The following CASD1 variants were observed in gnomAD, a reference collection of about 807,000 sequenced individuals.
CASD1 encodes the protein CAS1 domain sialic acid O acetyltransferase 1.
CASD1 carries 41 observed loss-of-function variants against 100.0 expected under a neutral mutation model. That is an observed-to-expected ratio of 0.41 (90% confidence interval 0.32 to 0.53). The LOEUF (loss-of-function observed/expected upper bound fraction) is 0.53, where lower values mean the gene tolerates loss of function less well. CASD1 is among the 20% of genes least tolerant of loss of function. The pLI is 0.25. For missense variants in CASD1, 774 were observed against 948.7 expected (o/e 0.82, Z 2.42); for synonymous variants, 321 against 315.6 (o/e 1.02, Z -0.18).
chr7:94,513,361 G>A (rs1584369803), intron 1 of CASD1, among the ~76,000 whole-genome samples: 2 of 150,742 alleles, frequency 1.3e-5, no homozygotes, highest in South Asian at 4.2e-4. Flanking sequence ...CAGTCAGGAG[G>A]TAATTTTCTA....
the CASD1 span, chr7:94,627,049 G>A: frequency 1.6e-3 from 245 of 151,862 alleles, no homozygotes; most frequent in African/African-American, 5.7e-3. Flanking sequence ...TTTGACAATA[G>A]CTCAAACTAA....
At chr7:94,622,717 T>C in the CASD1 span, 3 of 152,148 alleles carry the variant, frequency 2.0e-5, no homozygotes, top group Admixed American at 6.5e-5. Context: ...ATTCTGAGAA[T>C]ACTTCCTTAT....
At chr7:94,588,670 T>C in the CASD1 span, 1 of 1,579,938 alleles carries the variant, frequency 6.3e-7, no homozygotes, top group Non-Finnish European at 8.7e-7. Flanking sequence ...AACATTAATT[T>C]ATTATTCTTA....
At position 94,518,256 on chromosome 7, in the gene CASD1, G is replaced by T. The variant is rs1348103453; in HGVS notation, c.284G>T (p.Arg95Ile). The T allele has an allele frequency of 6.3e-7, 1 of 1,577,248 alleles. No homozygotes were observed. The highest frequency in any genetic ancestry group is 1.4e-5 in the African/African-American group (1 of 72,682). Residue 95 changes from arginine to isoleucine, a missense_variant, in exon 3 of 18, where the codon AGA becomes ATA. This residue lies in a region of CASD1 where 61 missense variants were observed against 115.9 expected (regional missense o/e 0.53). Coordinates refer to ENST00000297273, the MANE Select transcript of CASD1 (RefSeq NM_022900.5). ...DKHIAFIGDS[R>I]IRQLFYSFVK... ...CATATTGCATTTATTGGAGATTCCAGAATTCGTCAATTGTTTTATTCTTTT... is the reference window on the plus strand; with the variant it reads ...CATATTGCATTTATTGGAGATTCCATAATTCGTCAATTGTTTTATTCTTTT...
chr7:94,603,526 C>T, the CASD1 span: 3 of 1,405,024 alleles, frequency 2.1e-6, no homozygotes, highest in East Asian at 7.2e-5. Flanking sequence ...ACCTTAAAAG[C>T]AGGATTTAGC....
At chr7:94,523,312 A>G (rs1794386078) in intron 3 of CASD1, among the ~76,000 whole-genome samples, 1 of 152,224 alleles carries the variant, frequency 6.6e-6, no homozygotes, top group South Asian at 2.1e-4. Context: ...AATTTACTAG[A>G]AGTAATAAAG....
At chr7:94,618,733 G>C in the CASD1 span, 2 of 1,576,856 alleles carry the variant, frequency 1.3e-6, no homozygotes, top group Non-Finnish European at 1.7e-6. Context: ...CTATATTTAA[G>C]GCAATGAGAT....
At chr7:94,629,993 T>C in the CASD1 span, 1 of 845,254 alleles carries the variant, frequency 1.2e-6, no homozygotes, top group Non-Finnish European at 1.8e-6. Context: ...TTAATAACAA[T>C]TTGTTTTAAA....
chr7:94,529,891 G>T (rs974048053), intron 5 of CASD1, among the ~76,000 whole-genome samples: 2 of 152,122 alleles, frequency 1.3e-5, no homozygotes. Flanking sequence ...TTAGGAAGAA[G>T]ATACACTTAT....
chr7:94,553,665 T>C (rs1433138087), intron 16 of CASD1, among the ~76,000 whole-genome samples: 1 of 151,984 alleles, frequency 6.6e-6, no homozygotes, highest in African/African-American at 2.4e-5. Flanking sequence ...ATAAGGAGGG[T>C]ACATTCTAAG....
the CASD1 span, chr7:94,590,876 A>G: frequency 6.6e-6 from 1 of 152,198 alleles, no homozygotes. Context: ...ACAACAATCT[A>G]AAGTGGAAAA....
At chr7:94,602,382 A>G in the CASD1 span, among the ~76,000 whole-genome samples, 19 of 152,180 alleles carry the variant, frequency 1.2e-4, no homozygotes, top group Non-Finnish European at 2.4e-4. Context: ...AAGTGTTGCA[A>G]TGTGAGTAAT....
chr7:94,535,226 G>A lies in CASD1; in HGVS notation c.629-83G>A, dbSNP rs1179307722. 18 of 970,478 alleles carry A rather than the reference G, an allele frequency of 1.9e-5. No homozygotes were observed. In the East Asian group the frequency reaches 4.4e-4, roughly 24 times the overall value. 60.1% of individuals were successfully genotyped at this position (970,478 alleles called of 1,614,324 possible). On this transcript the variant is annotated intron_variant, in intron 7 of 17. Coordinates refer to ENST00000297273, the MANE Select transcript of CASD1 (RefSeq NM_022900.5). ...TACTTTTAAAAATAACATATGAAAT[G>A]TGGAACAGCTAACTTGCATGATCAC...
At chr7:94,590,549 A>G in the CASD1 span, 10 of 152,330 alleles carry the variant, frequency 6.6e-5, no homozygotes, top group African/African-American at 2.4e-4. Flanking sequence ...AAAATGTACA[A>G]TTTAGGTTCT....
chr7:94,520,555 G>T (rs1164871268), intron 3 of CASD1, among the ~76,000 whole-genome samples: 2 of 152,180 alleles, frequency 1.3e-5, no homozygotes, highest in African/African-American at 4.8e-5. Context: ...AAAAACTTGA[G>T]AAGTCTTACA....
chr7:94,546,167 A>G (rs1795667975), intron 12 of CASD1, among the ~76,000 whole-genome samples: 1 of 151,918 alleles, frequency 6.6e-6, no homozygotes, highest in Non-Finnish European at 1.5e-5. Context: ...GTCAAACACA[A>G]TTTAAAAGCA....
chr7:94,585,163 G>T, the CASD1 span: 1 of 249,588 alleles, frequency 4.0e-6, no homozygotes, highest in Non-Finnish European at 7.7e-6. Context: ...TGTTTCTAGC[G>T]ATTAAAAGAT....
the CASD1 span, among the ~76,000 whole-genome samples, chr7:94,606,759 G>T: frequency 6.6e-6 from 1 of 152,134 alleles, no homozygotes. Context: ...ATCATACACT[G>T]TCTGTTCTCA....
At chr7:94,540,903 T>G (rs1795360236) in intron 10 of CASD1, among the ~76,000 whole-genome samples, 1 of 152,070 alleles carries the variant, frequency 6.6e-6, no homozygotes, top group African/African-American at 2.4e-5. Flanking sequence ...TAGAAAGAAT[T>G]AATGGCAGAT....
Sources: allele counts gnomAD v4.1 joint callset (sites outside exome capture counted in the v4.1 genomes callset), GRCh38; gene constraint gnomAD v4.1.1; regional missense constraint gnomAD v4.1.1; transcripts MANE v1.5; gene names NCBI Gene and HGNC (gene_info 2026-07-23, HGNC 2026-07-21).